TMEM117: variants seen among roughly 807,000 people sequenced by gnomAD.
The protein encoded by TMEM117 is transmembrane protein 117.
A neutral mutation model predicts 52.4 loss-of-function variants in TMEM117; 27 were observed. The observed-to-expected ratio is 0.51, with a 90% CI of 0.38 to 0.71. TMEM117 has a LOEUF of 0.71. TMEM117 is among the 30% of genes least tolerant of loss of function. The pLI is 0.00. For synonymous variants in TMEM117, 215 were observed against 206.3 expected (o/e 1.04, Z -0.36); for missense variants, 556 against 630.5 (o/e 0.88, Z 1.26).
intron 3 of TMEM117, among the ~76,000 whole-genome samples, chr12:43,986,659 C>T (rs1389633295): frequency 6.6e-6 from 1 of 152,278 alleles, no homozygotes; most frequent in South Asian, 2.1e-4. Flanking sequence ...ACCATTATCT[C>T]TTTAACTATT....
intron 3 of TMEM117, among the ~76,000 whole-genome samples, chr12:44,042,076 A>G (rs1946807402): frequency 6.6e-6 from 1 of 152,220 alleles, no homozygotes. Context: ...AGGTGATATG[A>G]TTCTATACCT....
chr12:43,888,645 T>A (rs989312412), intron 2 of TMEM117, among the ~76,000 whole-genome samples: 3 of 149,824 alleles, frequency 2.0e-5, no homozygotes, highest in Non-Finnish European at 4.4e-5. Flanking sequence ...CCTCTCGGGT[T>A]CACGCCATTC....
chr12:43,834,522 A>C (rs1943002158), upstream of TMEM117, among the ~76,000 whole-genome samples: 1 of 152,222 alleles, frequency 6.6e-6, no homozygotes, highest in Admixed American at 6.5e-5. Context: ...CATAGGCAAC[A>C]ACTCTTTCTG....
At chr12:44,238,820 A>T (rs540648150) in intron 5 of TMEM117, among the ~76,000 whole-genome samples, 1 of 152,340 alleles carries the variant, frequency 6.6e-6, no homozygotes, top group South Asian at 2.1e-4. Context: ...CAACTAGTTG[A>T]TTAAAAATTT....
At chr12:44,144,927 G>A (rs974821950) in intron 4 of TMEM117, among the ~76,000 whole-genome samples, 2 of 152,334 alleles carry the variant, frequency 1.3e-5, no homozygotes, top group African/African-American at 4.8e-5. Context: ...GGAGGCCGAG[G>A]CGGGCGGATC....
chr12:43,808,982 C>T, the TMEM117 span, among the ~76,000 whole-genome samples: 3 of 143,556 alleles, frequency 2.1e-5, no homozygotes, highest in Admixed American at 1.4e-4. Context: ...GAAAACAAAA[C>T]AAAAAGAGAA....
chr12:44,348,126 C>G (rs577159515), intron 6 of TMEM117, among the ~76,000 whole-genome samples: 2 of 152,076 alleles, frequency 1.3e-5, no homozygotes, highest in African/African-American at 2.4e-5. Flanking sequence ...AGTTTTATCA[C>G]AGAGCTCAAC....
chr12:43,998,827 C>T (rs1946072039), intron 3 of TMEM117, among the ~76,000 whole-genome samples: 1 of 152,084 alleles, frequency 6.6e-6, no homozygotes, highest in African/African-American at 2.4e-5. Flanking sequence ...ATGTATCTAA[C>T]AACTCAAATT....
At chr12:43,992,898 G>A (rs1281382101) in intron 3 of TMEM117, among the ~76,000 whole-genome samples, 1 of 152,198 alleles carries the variant, frequency 6.6e-6, no homozygotes, top group African/African-American at 2.4e-5. Flanking sequence ...GAGGCTTGAG[G>A]TTAAAGACTA....
chr12:43,871,289 A>T (rs986448400), intron 2 of TMEM117, among the ~76,000 whole-genome samples: 2 of 151,750 alleles, frequency 1.3e-5, no homozygotes, highest in East Asian at 3.9e-4. Flanking sequence ...TTTTTAGTAG[A>T]GATGGGGTTT....
intron 5 of TMEM117, among the ~76,000 whole-genome samples, chr12:44,233,452 C>T (rs1949957038): frequency 6.6e-6 from 1 of 150,928 alleles, no homozygotes; most frequent in African/African-American, 2.4e-5. Context: ...TTAGATTAAT[C>T]ATAATCCTTG....
intron 4 of TMEM117, among the ~76,000 whole-genome samples, chr12:44,150,371 G>T (rs139064429): frequency 5.9e-5 from 9 of 152,216 alleles, no homozygotes; most frequent in Middle Eastern, 3.4e-3. Context: ...GTCACATAAA[G>T]TCTGCCCTCA....
chr12:43,937,483 G>A (rs1944970885), intron 2 of TMEM117, among the ~76,000 whole-genome samples: 1 of 152,144 alleles, frequency 6.6e-6, no homozygotes, highest in Admixed American at 6.5e-5. Context: ...GTGTTTGCTG[G>A]GGATGTGTAA....
At chr12:44,067,697 T>G (rs960770993) in intron 3 of TMEM117, among the ~76,000 whole-genome samples, 2 of 152,186 alleles carry the variant, frequency 1.3e-5, no homozygotes, top group East Asian at 3.8e-4. Context: ...GTTGTTTCAT[T>G]TATAGAGCAC....
intron 3 of TMEM117, among the ~76,000 whole-genome samples, chr12:43,978,587 C>T (rs1945710788): frequency 1.3e-5 from 2 of 152,030 alleles, no homozygotes; most frequent in African/African-American, 2.4e-5. Context: ...CTTTTGTAGG[C>T]ACAACTACAG....
intron 5 of TMEM117, among the ~76,000 whole-genome samples, chr12:44,275,325 GA>G: frequency 6.6e-6 from 1 of 152,150 alleles, no homozygotes; most frequent in South Asian, 2.1e-4. Flanking sequence ...GGATCAAAGG[GA>G]ACCCTCATAC....
intron 3 of TMEM117, among the ~76,000 whole-genome samples, chr12:43,954,460 C>T (rs368648437): frequency 3.3e-5 from 5 of 151,862 alleles, no homozygotes; most frequent in African/African-American, 7.3e-5. Flanking sequence ...AATGATAAGG[C>T]GGATACCACC....
chr12:43,917,012 A>ATT (rs1181553733), intron 2 of TMEM117, among the ~76,000 whole-genome samples: 1 of 149,154 alleles, frequency 6.7e-6, no homozygotes, highest in Admixed American at 7.0e-5. Context: ...TACCTTAACC[A>ATT]TTTATTTACG....
At chr12:44,110,283 C>A (rs1259121609) in intron 3 of TMEM117, among the ~76,000 whole-genome samples, 1 of 149,486 alleles carries the variant, frequency 6.7e-6, no homozygotes, top group Non-Finnish European at 1.5e-5. Flanking sequence ...TGTCTTGTGC[C>A]AGTTTTCAAA....
Sources: allele counts gnomAD v4.1 joint callset (sites outside exome capture counted in the v4.1 genomes callset), GRCh38; gene constraint gnomAD v4.1.1; transcripts MANE v1.5; gene names NCBI Gene and HGNC (gene_info 2026-07-23, HGNC 2026-07-21).